Variants in TMEM117 observed in about 807,000 individuals in gnomAD.
TMEM117 encodes transmembrane protein 117.
TMEM117 carries 27 observed loss-of-function variants against 52.4 expected under a neutral mutation model. The ratio of observed to expected loss-of-function variants is 0.51; its 90% CI spans 0.38 to 0.71. The LOEUF (loss-of-function observed/expected upper bound fraction) is 0.71, where lower values mean the gene tolerates loss of function less well. TMEM117 is among the 30% of genes least tolerant of loss of function. TMEM117 has a pLI of 0.00. For missense variants in TMEM117, 556 were observed against 630.5 expected (o/e 0.88, Z 1.26); for synonymous variants, 215 against 206.3 (o/e 1.04, Z -0.36).
intron 2 of TMEM117, among the ~76,000 whole-genome samples, chr12:43,928,238 G>C (rs145763669): frequency 8.6e-4 from 130 of 151,754 alleles, no homozygotes; most frequent in African/African-American, 2.9e-3. Flanking sequence ...TGCTGTTCAG[G>C]GTTCTAGTTC....
At chr12:44,040,407 TTATAAA>T (rs1195929041) in intron 3 of TMEM117, among the ~76,000 whole-genome samples, 1 of 152,194 alleles carries the variant, frequency 6.6e-6, no homozygotes, top group African/African-American at 2.4e-5. Context: ...TGTGCGACTG[TTATAAA>T]TATATTTCCT....
At chr12:44,047,443 T>C (rs1039975502) in intron 3 of TMEM117, among the ~76,000 whole-genome samples, 1 of 152,202 alleles carries the variant, frequency 6.6e-6, no homozygotes, top group African/African-American at 2.4e-5. Context: ...ATATTTTGGC[T>C]TGGATTTTTT....
intron 2 of TMEM117, among the ~76,000 whole-genome samples, chr12:43,929,107 C>T (rs1944831043): frequency 1.3e-5 from 2 of 151,766 alleles, no homozygotes; most frequent in Non-Finnish European, 2.9e-5. Context: ...TGGGTATATA[C>T]CCAGTAATGG....
chr12:44,011,297 T>C (rs1433038261), intron 3 of TMEM117, among the ~76,000 whole-genome samples: 1 of 152,196 alleles, frequency 6.6e-6, no homozygotes, highest in African/African-American at 2.4e-5. Flanking sequence ...GTATATACTA[T>C]TGTTATGGTT....
At chr12:43,828,787 TC>T in the TMEM117 span, among the ~76,000 whole-genome samples, 1 of 152,124 alleles carries the variant, frequency 6.6e-6, no homozygotes, top group Non-Finnish European at 1.5e-5. Flanking sequence ...CCCCCATGAG[TC>T]CCTGCTCTTG....
intron 4 of TMEM117, among the ~76,000 whole-genome samples, chr12:44,188,565 C>T (rs1949308703): frequency 6.6e-6 from 1 of 152,070 alleles, no homozygotes; most frequent in Non-Finnish European, 1.5e-5. Context: ...AATCAACGCA[C>T]TTTAGTAACA....
intron 3 of TMEM117, among the ~76,000 whole-genome samples, chr12:44,095,584 A>G (rs1482660872): frequency 6.6e-6 from 1 of 152,122 alleles, no homozygotes; most frequent in Non-Finnish European, 1.5e-5. Flanking sequence ...GTAGGCCTTT[A>G]GATTCAAGAG....
At chr12:44,012,273 G>T (rs1443524463) in intron 3 of TMEM117, among the ~76,000 whole-genome samples, 1 of 151,658 alleles carries the variant, frequency 6.6e-6, no homozygotes, top group Non-Finnish European at 1.5e-5. Context: ...CAGGTGTTAT[G>T]TGCTTTTTTT....
At chr12:44,128,249 C>T (rs1245690523) in intron 3 of TMEM117, among the ~76,000 whole-genome samples, 1 of 152,132 alleles carries the variant, frequency 6.6e-6, no homozygotes, top group Admixed American at 6.5e-5. Flanking sequence ...TGTCTGTTTT[C>T]TTCTACTTCA....
rs571717412 is a variant in TMEM117, at chr12:44,172,878, C to T, written c.510+29254C>T. On this transcript the variant is annotated intron_variant, in intron 4 of 7. Coordinates refer to ENST00000266534, the MANE Select transcript of TMEM117 (RefSeq NM_032256.3). ...TAGCTAGGATTACAGGTGCATGCCA[C>T]CACGCCCGGCTAATTTTTGTATTTT... is the stretch of plus-strand genomic sequence containing the variant. Among the ~76,000 whole-genome samples the T allele has an allele frequency of 3.9e-5, 6 of 152,180 alleles. No homozygotes were observed. The South Asian group carries it at 1.2e-3, about 32-fold the overall frequency.
chr12:44,149,000 A>G (rs1166656975), intron 4 of TMEM117, among the ~76,000 whole-genome samples: 1 of 152,196 alleles, frequency 6.6e-6, no homozygotes, highest in African/African-American at 2.4e-5. Context: ...CAGGCTATGC[A>G]CTTCTTCACA....
intron 3 of TMEM117, among the ~76,000 whole-genome samples, chr12:44,115,115 A>C (rs1454412142): frequency 6.6e-6 from 1 of 152,228 alleles, no homozygotes; most frequent in Non-Finnish European, 1.5e-5. Flanking sequence ...CATACATGGC[A>C]GACATTGCCA....
intron 4 of TMEM117, among the ~76,000 whole-genome samples, chr12:44,208,242 A>G (rs2138389224): frequency 6.6e-6 from 1 of 152,232 alleles, no homozygotes; most frequent in South Asian, 2.1e-4. Context: ...GTTATATTCT[A>G]TTGAAAAAGA....
chr12:43,810,252 G>A, the TMEM117 span, among the ~76,000 whole-genome samples: 6 of 152,278 alleles, frequency 3.9e-5, no homozygotes, highest in African/African-American at 1.4e-4. Flanking sequence ...TCTCTAACAT[G>A]TCATGTGGGG....
intron 3 of TMEM117, among the ~76,000 whole-genome samples, chr12:44,081,994 A>G (rs1192001067): frequency 6.6e-6 from 1 of 151,834 alleles, no homozygotes; most frequent in African/African-American, 2.4e-5. Flanking sequence ...TCCCCTAGGT[A>G]AATAATATTA....
chr12:43,914,941 T>C (rs1404404866), intron 2 of TMEM117, among the ~76,000 whole-genome samples: 1 of 152,204 alleles, frequency 6.6e-6, no homozygotes, highest in African/African-American at 2.4e-5. Context: ...TACATCTGCA[T>C]ATCAGAAAGC....
chr12:44,379,173 GGGAAGGAAGGAAGAAA>G (rs1228840183), intron 7 of TMEM117, among the ~76,000 whole-genome samples: 1 of 150,884 alleles, frequency 6.6e-6, no homozygotes, highest in Non-Finnish European at 1.5e-5. Context: ...GAAGGAGGGA[GGGAAGGAAGGAAGAAA>G]GGAAGGAAGG....
intron 2 of TMEM117, among the ~76,000 whole-genome samples, chr12:43,896,449 A>C (rs1944203566): frequency 1.3e-5 from 2 of 152,094 alleles, no homozygotes; most frequent in Admixed American, 1.3e-4. Context: ...TACATTGTTC[A>C]TAGTTTGTTG....
chr12:44,079,966 C>T (rs913709223), intron 3 of TMEM117, among the ~76,000 whole-genome samples: 1 of 144,688 alleles, frequency 6.9e-6, no homozygotes, highest in African/African-American at 2.6e-5. Context: ...TGTAGTGCAC[C>T]GAGATGATGG....
Sources: gnomAD v4.1 joint callset for allele counts (sites outside exome capture counted in the v4.1 genomes callset) on GRCh38, gnomAD v4.1.1 for gene constraint, MANE v1.5 for transcripts, NCBI Gene and HGNC (gene_info 2026-07-23, HGNC 2026-07-21) for gene names.